Variants in EPHA3 observed in about 807,000 individuals in gnomAD.
EPHA3 encodes EPH receptor A3.
Under a neutral mutation model 107.1 loss-of-function variants are expected in EPHA3, and 42 were observed. The observed-to-expected ratio is 0.39, with a 90% CI of 0.31 to 0.51. The LOEUF (loss-of-function observed/expected upper bound fraction) is 0.51. Among genes scored for constraint, EPHA3 ranks in the 20% least tolerant of loss-of-function variants. EPHA3 has a pLI of 0.78. For synonymous variants in EPHA3, 461 were observed against 424.8 expected, an observed-to-expected ratio of 1.09 and a Z score of -1.05; for missense variants, 1,183 against 1,211.2, an observed-to-expected ratio of 0.98 and a Z score of 0.35.
intron 5 of EPHA3, among the ~76,000 whole-genome samples, chr3:89,349,841 G>C (rs1452263165): frequency 6.8e-6 from 1 of 147,516 alleles, no homozygotes; most frequent in Non-Finnish European, 1.5e-5. Flanking sequence ...GCATTTGCTT[G>C]TCTGTAAAGT....
chr3:89,306,769 G>A (rs1246962696), intron 3 of EPHA3, among the ~76,000 whole-genome samples: 1 of 152,180 alleles, frequency 6.6e-6, no homozygotes, highest in Non-Finnish European at 1.5e-5. Context: ...GAACCGTGCT[G>A]TGGTTTGGCT....
rs776970304 is a variant in EPHA3 at position 89,340,909 on chromosome 3, T to A, written c.815-7T>A. On this transcript the variant is annotated splice_polypyrimidine_tract_variant and splice_region_variant and intron_variant, in intron 3 of 16. Coordinates refer to ENST00000336596, the MANE Select transcript of EPHA3 (RefSeq NM_005233.6). ...AGACTTTTAAAAGAGAGTCATTTTG[T>A]TTGTAGCTTGTCGACCAGGTTTCTA... The A allele has an allele frequency of 4.3e-5, 68 of 1,596,774 alleles. No individual in the cohort carries two copies. The highest frequency in any genetic ancestry group is 3.4e-5 in the Non-Finnish European group (40 of 1,173,902).
At chr3:89,363,906 G>C (rs1708142330) in intron 5 of EPHA3, among the ~76,000 whole-genome samples, 1 of 150,636 alleles carries the variant, frequency 6.6e-6, no homozygotes, top group African/African-American at 2.4e-5. Context: ...GCATCAGAAA[G>C]TGTCCCCTCC....
intron 16 of EPHA3, among the ~76,000 whole-genome samples, chr3:89,475,659 G>C (rs1223642399): frequency 6.6e-6 from 1 of 152,210 alleles, no homozygotes; most frequent in Non-Finnish European, 1.5e-5. Flanking sequence ...TGTGGAACTA[G>C]AAAGAGAATT....
intron 3 of EPHA3, among the ~76,000 whole-genome samples, chr3:89,315,124 G>A (rs1445824210): frequency 6.6e-6 from 1 of 151,742 alleles, no homozygotes; most frequent in Non-Finnish European, 1.5e-5. Flanking sequence ...CATGCACGCT[G>A]TCCATCATTG....
intron 5 of EPHA3, among the ~76,000 whole-genome samples, chr3:89,384,785 T>C (rs772035586): frequency 2.0e-5 from 3 of 152,174 alleles, no homozygotes; most frequent in Non-Finnish European, 2.9e-5. Flanking sequence ...GGCTGAAAGA[T>C]GCACATAAAT....
intron 15 of EPHA3, among the ~76,000 whole-genome samples, chr3:89,454,698 A>G (rs1710062232): frequency 6.6e-6 from 1 of 152,230 alleles, no homozygotes; most frequent in African/African-American, 2.4e-5. Flanking sequence ...TGGTTGTTTA[A>G]AAAGCCCTGC....
chr3:89,135,249 T>C (rs1704287319), intron 2 of EPHA3, among the ~76,000 whole-genome samples: 1 of 152,154 alleles, frequency 6.6e-6, no homozygotes, highest in Non-Finnish European at 1.5e-5. Context: ...ATTCCTAGCA[T>C]ACAACACCTG....
At chr3:89,376,076 C>T (rs1290261519) in intron 5 of EPHA3, among the ~76,000 whole-genome samples, 1 of 151,812 alleles carries the variant, frequency 6.6e-6, no homozygotes, top group Non-Finnish European at 1.5e-5. Flanking sequence ...ATAATTTTTA[C>T]TAAACTGATA....
intron 2 of EPHA3, among the ~76,000 whole-genome samples, chr3:89,158,126 A>G (rs1704846589): frequency 1.3e-5 from 2 of 152,170 alleles, no homozygotes; most frequent in Non-Finnish European, 2.9e-5. Flanking sequence ...GACACATTCT[A>G]TTATAATTTT....
At chr3:89,364,620 A>G (rs1708154563) in intron 5 of EPHA3, among the ~76,000 whole-genome samples, 1 of 151,216 alleles carries the variant, frequency 6.6e-6, no homozygotes, top group Admixed American at 6.6e-5. Flanking sequence ...AAAAAACCAG[A>G]TATATTTATA....
chr3:89,382,832 A>C (rs1462316017), intron 5 of EPHA3, among the ~76,000 whole-genome samples: 1 of 152,180 alleles, frequency 6.6e-6, no homozygotes, highest in East Asian at 1.9e-4. Context: ...GTTAGTTTGC[A>C]CATGAAGGCA....
intron 13 of EPHA3, among the ~76,000 whole-genome samples, chr3:89,442,639 T>C (rs1364886730): frequency 6.6e-6 from 1 of 152,150 alleles, no homozygotes; most frequent in Non-Finnish European, 1.5e-5. Context: ...AAACCTTGCC[T>C]ACAAGGTTCC....
chr3:89,292,342 C>A (rs919403871), intron 3 of EPHA3, among the ~76,000 whole-genome samples: 2 of 152,004 alleles, frequency 1.3e-5, no homozygotes, highest in African/African-American at 4.8e-5. Flanking sequence ...TTTAAGCAAT[C>A]TAGAGATGAT....
At chr3:89,187,876 A>G (rs1020000359) in intron 2 of EPHA3, among the ~76,000 whole-genome samples, 8 of 152,154 alleles carry the variant, frequency 5.3e-5, no homozygotes, top group Non-Finnish European at 1.2e-4. Context: ...CTTCAGTGAA[A>G]TAAATGTATA....
At chr3:89,413,972 G>A (rs900197038) in intron 10 of EPHA3, among the ~76,000 whole-genome samples, 35 of 151,678 alleles carry the variant, frequency 2.3e-4, no homozygotes, top group African/African-American at 7.7e-4. Flanking sequence ...ATGCATGGAA[G>A]TAAAACTACT....
intron 2 of EPHA3, among the ~76,000 whole-genome samples, chr3:89,135,136 G>C (rs1255201812): frequency 6.6e-6 from 1 of 152,064 alleles, no homozygotes; most frequent in African/African-American, 2.4e-5. Flanking sequence ...CTCAAATATT[G>C]ATATTTCAGA....
chr3:89,109,621 C>T (rs1371533273), intron 1 of EPHA3, among the ~76,000 whole-genome samples: 4 of 151,906 alleles, frequency 2.6e-5, no homozygotes, highest in Non-Finnish European at 5.9e-5. Flanking sequence ...CTATTTCACA[C>T]CTATGTAAAA....
chr3:89,285,359 T>C (rs537462262), intron 3 of EPHA3, among the ~76,000 whole-genome samples: 3 of 152,126 alleles, frequency 2.0e-5, no homozygotes, highest in Non-Finnish European at 4.4e-5. Context: ...CAATTTTCTA[T>C]GCAATTGGAA....
Sources: gnomAD v4.1 joint callset for allele counts (sites outside exome capture counted in the v4.1 genomes callset) on GRCh38, gnomAD v4.1.1 for gene constraint, MANE v1.5 for transcripts, NCBI Gene and HGNC (gene_info 2026-07-23, HGNC 2026-07-21) for gene names.